Variants in DKK3 observed in about 807,000 individuals in gnomAD.
The protein encoded by DKK3 is dickkopf Wnt signaling pathway inhibitor 3, also known as dickkopf-related protein 3.
Under a neutral mutation model 33.2 loss-of-function variants are expected in DKK3, and 22 were observed. The observed-to-expected ratio is 0.66, with a 90% CI of 0.47 to 0.95. The LOEUF (loss-of-function observed/expected upper bound fraction) is 0.95. Ranked by LOEUF, DKK3 falls within the 40% of genes least tolerant of loss-of-function variation. DKK3 has a pLI of 0.00. For missense variants in DKK3, 398 were observed against 458.4 expected (o/e 0.87, Z 1.20); for synonymous variants, 194 against 188.8 (o/e 1.03, Z -0.23).
At chr11:11,992,179 C>T (rs982942744) in intron 3 of DKK3, among the ~76,000 whole-genome samples, 1 of 152,152 alleles carries the variant, frequency 6.6e-6, no homozygotes, top group Admixed American at 6.5e-5. Flanking sequence ...TGACTTCTTA[C>T]TCTTTATGTT....
chr11:11,981,091 T>C (rs1295335916), intron 3 of DKK3, among the ~76,000 whole-genome samples: 1 of 152,234 alleles, frequency 6.6e-6, no homozygotes, highest in African/African-American at 2.4e-5. Context: ...GTCCTCATCC[T>C]AGCAGAGCAC....
intron 3 of DKK3, among the ~76,000 whole-genome samples, chr11:11,976,048 C>T (rs1227534985): frequency 2.0e-5 from 3 of 152,192 alleles, no homozygotes; most frequent in Admixed American, 6.5e-5. Flanking sequence ...CTACCCCTAG[C>T]GTGGATCTCT....
intron 3 of DKK3, among the ~76,000 whole-genome samples, chr11:11,973,658 C>A (rs1235948702): frequency 6.6e-6 from 1 of 152,216 alleles, no homozygotes; most frequent in Admixed American, 6.5e-5. Context: ...ATTTAGAAAG[C>A]TCAGAAGCTG....
chr11:11,980,958 C>T (rs903376735), intron 3 of DKK3, among the ~76,000 whole-genome samples: 3 of 152,186 alleles, frequency 2.0e-5, no homozygotes. Context: ...CCAAGACCTG[C>T]ACTGAAATCA....
At chr11:11,969,000 G>A (rs1847665452) in intron 3 of DKK3, among the ~76,000 whole-genome samples, 1 of 152,138 alleles carries the variant, frequency 6.6e-6, no homozygotes, top group Non-Finnish European at 1.5e-5. Context: ...CTGGGTCTAG[G>A]GTCCCTGCAA....
intron 3 of DKK3, among the ~76,000 whole-genome samples, chr11:11,975,420 G>A (rs1847812540): frequency 6.6e-6 from 1 of 152,226 alleles, no homozygotes; most frequent in African/African-American, 2.4e-5. Context: ...GAAGGTTTGG[G>A]TGGGGCATGT....
chr11:11,968,122 C>T (rs553683763), intron 4 of DKK3, among the ~76,000 whole-genome samples: 1 of 152,210 alleles, frequency 6.6e-6, no homozygotes, highest in East Asian at 1.9e-4. Flanking sequence ...GGCCGTCCCT[C>T]CCCTTCTCTA....
At chr11:11,969,253 C>G (rs1249725031) in intron 3 of DKK3, among the ~76,000 whole-genome samples, 3 of 152,212 alleles carry the variant, frequency 2.0e-5, no homozygotes, top group African/African-American at 7.2e-5. Context: ...TGCTTCAGCT[C>G]CTGGACCTGC....
At chr11:11,973,594 G>A (rs1362334319) in intron 3 of DKK3, among the ~76,000 whole-genome samples, 1 of 152,216 alleles carries the variant, frequency 6.6e-6, no homozygotes, top group Non-Finnish European at 1.5e-5. Context: ...GCTGGCCATG[G>A]GGAATGCAGT....
At chr11:12,009,220 C>T, upstream of DKK3, 1 of 985,208 alleles carries the variant, frequency 1.0e-6, no homozygotes, top group African/African-American at 1.7e-5. Flanking sequence ...CTGCTCGCTC[C>T]CGCCGGGAGG....
At chr11:11,976,158 T>A (rs1220817503) in intron 3 of DKK3, among the ~76,000 whole-genome samples, 1 of 152,186 alleles carries the variant, frequency 6.6e-6, no homozygotes, top group Non-Finnish European at 1.5e-5. Context: ...ACATTTCTAC[T>A]GAAAAGGCCC....
intron 3 of DKK3, among the ~76,000 whole-genome samples, chr11:11,997,967 A>G (rs1341072763): frequency 1.3e-5 from 2 of 151,988 alleles, no homozygotes; most frequent in African/African-American, 4.8e-5. Flanking sequence ...AAAAAGGCAC[A>G]CTTTCCCTAC....
upstream of DKK3, chr11:12,009,299 G>T (rs1848610210): frequency 4.1e-6 from 4 of 983,150 alleles, no homozygotes; most frequent in South Asian, 1.4e-4. Flanking sequence ...AGCGCGGCGG[G>T]GTGCGGCAGC....
chr11:11,965,461 C>G (rs987196795), intron 6 of DKK3, among the ~76,000 whole-genome samples: 1 of 152,216 alleles, frequency 6.6e-6, no homozygotes, highest in African/African-American at 2.4e-5. Flanking sequence ...TCCCCGTGGC[C>G]TCTCTGCCAG....
Position 11,964,470 on chromosome 11 carries a change from C to T in DKK3, c.1047G>A (p.Glu349=), listed in dbSNP as rs141853347. 2.5e-6 allele frequency: 4 copies of T among 1,611,144 alleles called. No individual in the cohort carries two copies. The highest frequency in any genetic ancestry group is 3.4e-6 in the Non-Finnish European group (4 of 1,179,932). ...AAAAALLGGE[E]I The stretch of plus-strand genomic sequence containing the variant: ...CCCACAGCCTGGTCCAGATCTAAAT[C>T]TCTTCCCCTCCCAGCAGTGCAGCGG... The change falls in exon 7 of 7, where the codon GAG becomes GAA. Residue 349 remains glutamate (E), a synonymous_variant. Transcript: ENST00000683431.
At position 11,964,322 on chromosome 11, in the gene DKK3, C is replaced by T. The variant is rs982866193; in HGVS notation, c.*142G>A. On this transcript the variant is annotated 3_prime_UTR_variant, in exon 7 of 7. Transcript: ENST00000683431. Reference sequence around the variant, plus strand: ...CTGGGGGAGCTGAACAAATGCACAACACCTCATGCTGTCAAGCCAGAGGGG... The same window carrying T: ...CTGGGGGAGCTGAACAAATGCACAATACCTCATGCTGTCAAGCCAGAGGGG... The T allele has an allele frequency of 5.6e-6, 6 of 1,062,654 alleles. No individual in the cohort carries two copies. The East Asian group carries it at 1.2e-4, about 21-fold the overall frequency. 65.8% of individuals were successfully genotyped at this position (1,062,654 alleles called of 1,614,324 possible).
In DKK3 at chr11:11,968,380, C is replaced by T. The variant is rs1590500230; in HGVS notation, c.528+15G>A. ...GACCCTGGTGCCACAGCCCCAGAGG[C>T]CCTGGCATACTCACCATCCTCTGGC... On this transcript the variant is annotated intron_variant, in intron 4 of 6. Coordinates refer to ENST00000683431, the MANE Select transcript of DKK3 (RefSeq NM_001018057.2). 6.2e-7 allele frequency: 1 copy of T among 1,608,310 alleles called. No individual in the cohort carries two copies. Among genetic ancestry groups the T allele is most frequent in the African/African-American group, 1.3e-5 (1 of 74,914 alleles).
At chr11:11,973,270 T>TG (rs1266711134) in intron 3 of DKK3, among the ~76,000 whole-genome samples, 1 of 152,226 alleles carries the variant, frequency 6.6e-6, no homozygotes, top group Non-Finnish European at 1.5e-5. Flanking sequence ...TCACCCAGCT[T>TG]GACTGGACTG....
In DKK3 at chr11:11,964,646, TC is replaced by T; in HGVS notation, c.870del (p.Ser291AlafsTer38). 1 of 1,613,976 alleles carries T rather than the reference TC, an allele frequency of 6.2e-7. No individual in the cohort carries two copies. Among genetic ancestry groups the T allele is most frequent in the Non-Finnish European group, 8.5e-7 (1 of 1,179,988 alleles). On this transcript the variant is annotated frameshift_variant, in exon 7 of 7. Coordinates refer to ENST00000683431, the MANE Select transcript of DKK3 (RefSeq NM_001018057.2). LOFTEE classifies it low-confidence loss of function (END_TRUNC). ...AGGATCTCCCCATCTTGGTCACGGC[TC>T]CCCACGAAGGTCGGCTTGCACACAT... is the stretch of plus-strand genomic sequence containing the variant. The part of the protein sequence containing the change: ...LVYVCKPTFV[G>X]SRDQDGEILL...
Sources: allele counts gnomAD v4.1 joint callset (sites outside exome capture counted in the v4.1 genomes callset), GRCh38; gene constraint gnomAD v4.1.1; transcripts MANE v1.5; gene names NCBI Gene and HGNC (gene_info 2026-07-23, HGNC 2026-07-21).